Variants in CDC42EP1 observed in about 807,000 individuals in gnomAD.
CDC42EP1 encodes 55 kDa bone marrow stromal/endothelial cell protein.
Under a neutral mutation model 7.4 loss-of-function variants are expected in CDC42EP1, and 6 were observed. That is an observed-to-expected ratio of 0.81 (90% CI 0.44 to 1.60). The LOEUF is 1.60. Among genes scored for constraint, CDC42EP1 ranks in the 40% most tolerant of loss-of-function variants. The pLI, the probability that CDC42EP1 is intolerant of heterozygous loss-of-function variation, is 0.01. For missense variants in CDC42EP1, 567 were observed against 539.0 expected (o/e 1.05, Z -0.51); for synonymous variants, 238 against 227.1 (o/e 1.05, Z -0.43).
In CDC42EP1 at chr22:37,568,333, A is replaced by AC. The variant is rs763894185; in HGVS notation, c.695dup (p.Ala233SerfsTer67). ...GCTGAGACTCCAGCCCCCGCTGCAA[A>AC]CCCCCCAGCCCCTACTGCAAACCCC... On this transcript the variant is annotated frameshift_variant, in exon 3 of 3. Coordinates refer to ENST00000249014, the MANE Select transcript of CDC42EP1 (RefSeq NM_152243.3). LOFTEE classifies it low-confidence loss of function (END_TRUNC). The AC allele has an allele frequency of 6.6e-7, 1 of 1,510,586 alleles. No homozygotes were observed. Among genetic ancestry groups the AC allele is most frequent in the Admixed American group, 1.7e-5 (1 of 57,840 alleles). 93.6% of individuals were successfully genotyped at this position (1,510,586 alleles called of 1,614,324 possible).
rs1262136010 is a variant in CDC42EP1 at position 37,566,362 on chromosome 22, CA to C, written c.14del (p.Gln5ArgfsTer9). ...GCAGCCAGAGCTGATGCCCGGCCCC[CA>C]GGGGGGCAGAGGCGCCGCCACCATG... Reference protein sequence around the residue: MPGPQGGRGAATMSL... With the variant: MPGPXGGRGAATMSL... On this transcript the variant is annotated frameshift_variant, in exon 2 of 3. Transcript: ENST00000249014. LOFTEE classifies it high-confidence loss of function. The surrounding 1 kb of genome is among the most constrained non-coding windows in gnomAD (Gnocchi z 6.4). The C allele has an allele frequency of 1.3e-6, 2 of 1,530,158 alleles. No homozygotes were observed. Among genetic ancestry groups the C allele is most frequent in the African/African-American group, 1.4e-5 (1 of 72,878 alleles). The allele number at this position is 1,530,158 out of a possible 1,614,324, so 94.8% of individuals were successfully genotyped here.
intron 1 of CDC42EP1, among the ~76,000 whole-genome samples, chr22:37,561,216 G>A (rs931447116): frequency 6.6e-6 from 1 of 152,220 alleles, no homozygotes; most frequent in African/African-American, 2.4e-5. Context: ...AATCCCGGCC[G>A]CCCTCCAGAT....
Position 37,568,092 on chromosome 22 carries a change from C to T in CDC42EP1, c.464-16C>T, listed in dbSNP as rs766487152. ...AGGGACCCCAGCTCTGAGCCCACTG[C>T]CCATTTCTCTTCTAGGCCTGGACTC... On this transcript the variant is annotated splice_polypyrimidine_tract_variant and intron_variant, in intron 2 of 2. Transcript: ENST00000249014. 6.3e-7 allele frequency: 1 copy of T among 1,597,632 alleles called. No individual in the cohort carries two copies. Among genetic ancestry groups the T allele is most frequent in the South Asian group, 1.1e-5 (1 of 88,928 alleles).
intron 2 of CDC42EP1, 64 bp from the exon 3 acceptor site, chr22:37,568,044 T>A: frequency 7.1e-7 from 1 of 1,414,342 alleles, no homozygotes; most frequent in Non-Finnish European, 9.8e-7. Flanking sequence ...ACTGGTCCTG[T>A]CTCCCCTCCT....
chr22:37,568,653 C>G lies in CDC42EP1; in HGVS notation c.1009C>G (p.Arg337Gly). Residue 337 changes from arginine (R) to glycine (G), a missense_variant, in exon 3 of 3, where the codon CGG becomes GGG. Coordinates refer to ENST00000249014, the MANE Select transcript of CDC42EP1 (RefSeq NM_152243.3). ...CCACCACTACCCAGAGATGGATGCG[C>G]GGCAGGAGCGGGTGGAGGTGCTGCC... Reference protein sequence around the residue: ...GGHHYPEMDARQERVEVLPQA... With the variant: ...GGHHYPEMDAGQERVEVLPQA... 1.3e-6 allele frequency: 2 copies of G among 1,564,732 alleles called. No homozygotes were observed. The highest frequency in any genetic ancestry group is 1.7e-6 in the Non-Finnish European group (2 of 1,153,458).
chr22:37,562,770 AG>A (rs1013623557), intron 1 of CDC42EP1, among the ~76,000 whole-genome samples: 3 of 80,346 alleles, frequency 3.7e-5, no homozygotes, highest in Admixed American at 1.2e-4. Context: ...ATGGGGGTTC[AG>A]GGGGGAGGAG....
intron 1 of CDC42EP1, 106 bp downstream of exon 1, chr22:37,560,694 G>A (rs1925002731): frequency 6.6e-6 from 1 of 151,532 alleles, no homozygotes; most frequent in African/African-American, 2.4e-5. Context: ...GGCCGGAACG[G>A]GGACGGGACC....
At position 37,566,049 on chromosome 22, in the gene CDC42EP1, C is replaced by T. The variant is rs1192121956; in HGVS notation, c.-278-23C>T. The T allele has an allele frequency of 1.9e-5, 6 of 318,292 alleles. No individual in the cohort carries two copies. The highest frequency in any genetic ancestry group is 2.3e-5 in the Non-Finnish European group (4 of 174,584). The allele number at this position is 318,292 out of a possible 1,614,324, so 19.7% of individuals were successfully genotyped here. ...TCCTCTGTCGCGGGCCTGCCGTCAC[C>T]GCCCATTCTGTCTTCCTTCCAGGTC... On this transcript the variant is annotated intron_variant, in intron 1 of 2. Transcript: ENST00000249014. This position sits in a 1 kb window ranked among gnomAD's most constrained non-coding sequence, Gnocchi z 6.4.
intron 2 of CDC42EP1, 87 bp from the exon 3 acceptor site, chr22:37,568,021 A>T: frequency 8.4e-7 from 1 of 1,187,482 alleles, no homozygotes; most frequent in Non-Finnish European, 1.2e-6. Flanking sequence ...CAGAGGCCAC[A>T]CAGCAAGCCA....
chr22:37,561,996 A>G (rs768369451), intron 1 of CDC42EP1, among the ~76,000 whole-genome samples: 1 of 152,136 alleles, frequency 6.6e-6, no homozygotes, highest in Non-Finnish European at 1.5e-5. Context: ...ACTATCCTCT[A>G]TAGGGTAAAT....
intron 1 of CDC42EP1, among the ~76,000 whole-genome samples, chr22:37,562,730 G>A (rs1217082519): frequency 6.6e-6 from 1 of 151,830 alleles, no homozygotes; most frequent in African/African-American, 2.4e-5. Flanking sequence ...AGATTGGGGA[G>A]GAAGCTGGTC....
At position 37,568,482 on chromosome 22, in the gene CDC42EP1, T is replaced by C. The variant is rs1277635948; in HGVS notation, c.838T>C (p.Ser280Pro). The change falls in exon 3 of 3, where the codon TCC becomes CCC. Residue 280 changes from serine to proline, a missense_variant. Physicochemically the swap from Ser to Pro is moderately conservative, Grantham distance 74. Transcript: ENST00000249014. ...AAATCCCCCAGCCCCTGCCGCAAGC[T>C]CCACACCCCATGGACACTGTCCCAA... Reference protein sequence around the residue: ...AANPPAPAASSTPHGHCPNGV... With the variant: ...AANPPAPAASPTPHGHCPNGV... 6.2e-7 allele frequency: 1 copy of C among 1,606,788 alleles called. No homozygotes were observed. Among genetic ancestry groups the C allele is most frequent in the South Asian group, 1.1e-5 (1 of 90,040 alleles).
chr22:37,566,089 G>A lies in CDC42EP1; in HGVS notation c.-261G>A, dbSNP rs923792366. On this transcript the variant is annotated 5_prime_UTR_variant, in exon 2 of 3. Coordinates refer to ENST00000249014, the MANE Select transcript of CDC42EP1 (RefSeq NM_152243.3). This position sits in a 1 kb window ranked among gnomAD's most constrained non-coding sequence, Gnocchi z 6.4. The stretch of plus-strand genomic sequence containing the variant: ...CCTTCCAGGTCTCCACCTCTGGGCA[G>A]GAGAGTTGCCGACCACCTCGGGGGT... 7 of 379,282 alleles carry A rather than the reference G, an allele frequency of 1.8e-5. No homozygotes were observed. Among genetic ancestry groups the A allele is most frequent in the Non-Finnish European group, 3.3e-5 (7 of 212,818 alleles). The allele number at this position is 379,282 out of a possible 1,614,324, so 23.5% of individuals were successfully genotyped here.
intron 1 of CDC42EP1, among the ~76,000 whole-genome samples, chr22:37,562,177 C>T (rs978713870): frequency 6.6e-6 from 1 of 152,230 alleles, no homozygotes; most frequent in Non-Finnish European, 1.5e-5. Context: ...TCCCCATCGT[C>T]TTCACCCCCA....
intron 1 of CDC42EP1, chr22:37,564,546 G>A (rs1925155841): frequency 6.6e-6 from 1 of 152,318 alleles, no homozygotes; most frequent in South Asian, 2.1e-4. Context: ...CAAAGCTTTG[G>A]TGAGGTGTCT....
rs753794534 is a variant in CDC42EP1 at position 37,568,785 on chromosome 22, G to A, written c.1141G>A (p.Ala381Thr). The stretch of plus-strand genomic sequence containing the variant: ...AGTGCAAGCAAACACCTTTGAATTT[G>A]CGGATGCTGAGGAGGATGATGAGGT... ...STVQANTFEF[A>T]DAEEDDEVKV The change falls in exon 3 of 3, where the codon GCG becomes ACG. Residue 381 changes from alanine (A) to threonine (T), a missense_variant. Coordinates refer to ENST00000249014, the MANE Select transcript of CDC42EP1 (RefSeq NM_152243.3). 6.0e-6 allele frequency: 9 copies of A among 1,497,280 alleles called. No individual in the cohort carries two copies. The South Asian group carries it at 1.1e-4, about 18-fold the overall frequency. The allele number at this position is 1,497,280 out of a possible 1,614,324, so 92.7% of individuals were successfully genotyped here. A position where few individuals can be genotyped will look rare whatever the true frequency, so the allele number is the denominator to read the frequency against.
chr22:37,566,719 C>T lies in CDC42EP1; in HGVS notation c.370C>T (p.Gln124Ter), dbSNP rs764483507. The change falls in exon 2 of 3, where the codon CAG (glutamine) becomes TAG (stop). Residue 124 changes from glutamine (Q) to a stop codon, truncating the protein, a stop_gained. Coordinates refer to ENST00000249014, the MANE Select transcript of CDC42EP1 (RefSeq NM_152243.3). LOFTEE classifies it high-confidence loss of function. The surrounding 1 kb of genome is among the most constrained non-coding windows in gnomAD (Gnocchi z 6.4). ...CATCAAGAACGCCATCTCCCTGCCC[C>T]AGCTCAACCAGGCCGCCTACGACAG... ...PIIKNAISLP[Q>*]LNQAAYDSLV... 3 of 1,612,882 alleles carry T rather than the reference C, an allele frequency of 1.9e-6. No homozygotes were observed. Among genetic ancestry groups the T allele is most frequent in the Non-Finnish European group, 2.5e-6 (3 of 1,179,342 alleles).
At position 37,562,623 on chromosome 22, in the gene CDC42EP1, C is replaced by T. The variant is rs557871019; in HGVS notation, c.-279+2035C>T. Among the ~76,000 whole-genome samples the T allele has an allele frequency of 3.9e-5, 6 of 152,280 alleles. No homozygotes were observed. In the East Asian group the frequency reaches 1.2e-3, roughly 29 times the overall value. ...CAATACCCTGCCCTCAGCTCCACAG[C>T]GCTGCAGAGTCTCTCGACCGCAGTA... is the stretch of plus-strand genomic sequence containing the variant. On this transcript the variant is annotated intron_variant, in intron 1 of 2. Transcript: ENST00000249014.
At chr22:37,562,799 T>C (rs993316596) in intron 1 of CDC42EP1, among the ~76,000 whole-genome samples, 1 of 151,896 alleles carries the variant, frequency 6.6e-6, no homozygotes, top group African/African-American at 2.4e-5. Flanking sequence ...TGCTGGGAGA[T>C]GAGGTGCTGC....
Sources: gnomAD v4.1 joint callset for allele counts (sites outside exome capture counted in the v4.1 genomes callset) on GRCh38, gnomAD v4.1.1 for gene constraint, Gnocchi (gnomAD v3.1) non-coding constraint, MANE v1.5 for transcripts, NCBI Gene and HGNC (gene_info 2026-07-23, HGNC 2026-07-21) for gene names.